NCOA6: variants seen among roughly 807,000 people sequenced by gnomAD.
NCOA6 encodes nuclear receptor coactivator 6.
Under a neutral mutation model 171.4 loss-of-function variants are expected in NCOA6, and 49 were observed. That is an observed-to-expected ratio of 0.29 (90% CI 0.23 to 0.36). NCOA6 has a LOEUF of 0.36. Among genes scored for constraint, NCOA6 ranks in the 10% least tolerant of loss-of-function variants. The probability of loss-of-function intolerance (pLI) is 1.00; values close to 1 mark genes in which losing one functional copy is unlikely to be tolerated. For synonymous variants in NCOA6, 910 were observed against 927.5 expected (o/e 0.98, Z 0.34); for missense variants, 2,248 against 2,554.5 (o/e 0.88, Z 2.59).
Position 34,758,862 on chromosome 20 carries a change from C to T in NCOA6, c.586G>A (p.Ala196Thr), listed in dbSNP as rs1440556726. ...TGCAGCTCTGGATTGGGGCCTGGTGCCATCATGGAAGATGACACATTTCCA... is the reference window on the plus strand; with the variant it reads ...TGCAGCTCTGGATTGGGGCCTGGTGTCATCATGGAAGATGACACATTTCCA... The part of the protein sequence containing the change: ...PGGNVSSSMM[A>T]PGPNPELQPR... The change falls in exon 6 of 15, where the codon GCA becomes ACA. Residue 196 changes from alanine (A) to threonine (T), a missense_variant. Physicochemically the swap from Ala to Thr is moderately conservative, Grantham distance 58. This residue lies in a region of NCOA6 where 987 missense variants were observed against 1,104.7 expected (regional missense o/e 0.89). Transcript: ENST00000359003. 8 of 1,613,364 alleles carry T rather than the reference C, an allele frequency of 5.0e-6. 1 individual carries two copies. Among genetic ancestry groups the T allele is most frequent in the East Asian group, 2.2e-5 (1 of 44,882 alleles).
At chr20:34,721,874 G>C (rs1448956327) in intron 14 of NCOA6, among the ~76,000 whole-genome samples, 1 of 151,650 alleles carries the variant, frequency 6.6e-6, no homozygotes, top group Non-Finnish European at 1.5e-5. Context: ...TGGGCAACAT[G>C]GTGAGTCCTG....
At chr20:34,811,379 T>C (rs116862924) in intron 1 of NCOA6, among the ~76,000 whole-genome samples, 2,126 of 151,964 alleles carry the variant, frequency 0.014, 15 homozygotes, top group Middle Eastern at 0.027. Flanking sequence ...TGCAAACCTC[T>C]GATCTGTTGT....
rs1472723771 is a variant in NCOA6, at chr20:34,758,047, C to T, written c.701G>A (p.Gly234Glu). ...TGGGTGATGTGGGGGAGCTAAAGAT[C>T]CTGAGGGATGACTTTGCTGCTGTAT... The part of the protein sequence containing the change: ...LHIQQQSHPS[G>E]SLAPPHHPMQ... The change falls in exon 7 of 15, where the codon GGA becomes GAA. Residue 234 changes from glycine to glutamate, a missense_variant. Gly to Glu is a moderately conservative substitution (Grantham distance 98). Around this residue, in one of 7 missense-constraint regions of NCOA6, gnomAD observed 987 missense variants for 1,104.7 expected, o/e 0.89. Coordinates refer to ENST00000359003, the MANE Select transcript of NCOA6 (RefSeq NM_014071.5). 10 of 1,613,802 alleles carry T rather than the reference C, an allele frequency of 6.2e-6. No homozygotes were observed. Among genetic ancestry groups the T allele is most frequent in the Non-Finnish European group, 8.5e-6 (10 of 1,179,948 alleles).
chr20:34,753,167 T>G (rs1294204356), intron 8 of NCOA6, among the ~76,000 whole-genome samples: 2 of 150,494 alleles, frequency 1.3e-5, no homozygotes, highest in Non-Finnish European at 1.5e-5. Context: ...CGCCTCAGCC[T>G]CTTAAGTAGC....
chr20:34,807,046 T>G (rs958083079), intron 1 of NCOA6, among the ~76,000 whole-genome samples: 5 of 152,196 alleles, frequency 3.3e-5, no homozygotes, highest in African/African-American at 1.2e-4. Flanking sequence ...GTGATTTGCT[T>G]CTAACTAACG....
chr20:34,760,905 A>C (rs963057375), intron 5 of NCOA6, among the ~76,000 whole-genome samples: 1 of 151,878 alleles, frequency 6.6e-6, no homozygotes, highest in Non-Finnish European at 1.5e-5. Context: ...CACATTCATC[A>C]GTTTTAGCTG....
intron 1 of NCOA6, among the ~76,000 whole-genome samples, chr20:34,814,459 A>G (rs2078766851): frequency 6.6e-6 from 1 of 152,208 alleles, no homozygotes; most frequent in Non-Finnish European, 1.5e-5. Flanking sequence ...AAATATACAG[A>G]TGTGTAGAAA....
chr20:34,749,524 A>G lies in NCOA6; in HGVS notation c.2671T>C (p.Leu891=), dbSNP rs2076405297. ...TLTSPLLVNL[L]QSDISAGHFG... ...TGGCCTGCAGATATGTCACTCTGCA[A>G]TAAGTTGACCAACAATGGGCTCGTT... The change falls in exon 9 of 15, where the codon TTG becomes CTG. Residue 891 remains leucine (L), a synonymous_variant. Coordinates refer to ENST00000359003, the MANE Select transcript of NCOA6 (RefSeq NM_014071.5). 1 of 1,614,178 alleles carries G rather than the reference A, an allele frequency of 6.2e-7. No homozygotes were observed. The highest frequency in any genetic ancestry group is 1.3e-5 in the African/African-American group (1 of 75,024).
chr20:34,757,302 C>T lies in NCOA6; in HGVS notation c.1446G>A (p.Gln482=). The change falls in exon 7 of 15, where the codon CAG becomes CAA. Residue 482 remains glutamine (Q), a synonymous_variant. Transcript: ENST00000359003. ...CCATGAAGTTAGGTGGCACATTTCC[C>T]TGTTGAACCATAGGATTCCGACCCG... is the stretch of plus-strand genomic sequence containing the variant. ...SSPGRNPMVQ[Q]GNVPPNFMVM... The T allele has an allele frequency of 3.1e-6, 5 of 1,614,028 alleles. No individual in the cohort carries two copies. Among genetic ancestry groups the T allele is most frequent in the African/African-American group, 2.7e-5 (2 of 75,054 alleles).
intron 12 of NCOA6, among the ~76,000 whole-genome samples, chr20:34,733,274 T>C (rs1209114789): frequency 1.3e-5 from 2 of 152,194 alleles, no homozygotes; most frequent in African/African-American, 4.8e-5. Context: ...GTTCCATCTT[T>C]TCCAAAAGCC....
At chr20:34,722,397 TAAATA>T (rs1448492805) in intron 14 of NCOA6, among the ~76,000 whole-genome samples, 4 of 149,976 alleles carry the variant, frequency 2.7e-5, no homozygotes, top group South Asian at 2.1e-4. Flanking sequence ...AATAAATAAA[TAAATA>T]AAATAAAAGT....
chr20:34,773,061 G>A (rs1251747247), intron 4 of NCOA6, among the ~76,000 whole-genome samples: 1 of 152,158 alleles, frequency 6.6e-6, no homozygotes, highest in Admixed American at 6.5e-5. Context: ...ACTACGTCCT[G>A]TGGGCCAAAT....
chr20:34,717,282 C>T (rs1466325599), intron 14 of NCOA6, among the ~76,000 whole-genome samples: 1 of 152,096 alleles, frequency 6.6e-6, no homozygotes, highest in Non-Finnish European at 1.5e-5. Flanking sequence ...GAAACCCCAT[C>T]TCTACTAAAT....
chr20:34,793,106 A>C (rs1246832307), intron 1 of NCOA6, among the ~76,000 whole-genome samples: 2 of 152,146 alleles, frequency 1.3e-5, no homozygotes, highest in East Asian at 3.9e-4. Flanking sequence ...TAGGCCACTC[A>C]TCAGCAAGCA....
intron 4 of NCOA6, among the ~76,000 whole-genome samples, chr20:34,769,402 C>A (rs1231703784): frequency 6.6e-6 from 1 of 151,082 alleles, no homozygotes; most frequent in Non-Finnish European, 1.5e-5. Context: ...CTTGCTCTGT[C>A]ACTCAGGCTA....
At chr20:34,751,096 C>A (rs1398381874) in intron 8 of NCOA6, among the ~76,000 whole-genome samples, 1 of 150,254 alleles carries the variant, frequency 6.7e-6, no homozygotes, top group East Asian at 2.0e-4. Flanking sequence ...GTCGGCCGGG[C>A]GCGGTGGCTC....
At position 34,757,896 on chromosome 20, in the gene NCOA6, T is replaced by C; in HGVS notation, c.852A>G (p.Gln284=). The change falls in exon 7 of 15, where the codon CAA becomes CAG. Residue 284 remains glutamine, a synonymous_variant. Coordinates refer to ENST00000359003, the MANE Select transcript of NCOA6 (RefSeq NM_014071.5). The part of the protein sequence containing the change: ...QQQQQQQQQQ[Q]QLQARPPQQH... ...GCTGTGGGGGTCTTGCCTGCAACTG[T>C]TGTTGCTGCTGTTGCTGTTGTTGCT... is the stretch of plus-strand genomic sequence containing the variant. 3 of 1,613,986 alleles carry C rather than the reference T, an allele frequency of 1.9e-6. No individual in the cohort carries two copies. Among genetic ancestry groups the C allele is most frequent in the Non-Finnish European group, 2.5e-6 (3 of 1,179,998 alleles).
intron 4 of NCOA6, among the ~76,000 whole-genome samples, chr20:34,774,179 T>C (rs1169796376): frequency 6.6e-6 from 1 of 152,222 alleles, no homozygotes; most frequent in African/African-American, 2.4e-5. Context: ...AATTAAGGTT[T>C]TGAAGCCTTT....
intron 1 of NCOA6, among the ~76,000 whole-genome samples, chr20:34,816,255 G>GC (rs981544010): frequency 6.6e-6 from 1 of 151,894 alleles, no homozygotes; most frequent in Non-Finnish European, 1.5e-5. Context: ...GTTGACTTGT[G>GC]CCCCCCAATC....
Sources: gnomAD v4.1 joint callset for allele counts (sites outside exome capture counted in the v4.1 genomes callset) on GRCh38, gnomAD v4.1.1 for gene constraint, gnomAD v4.1.1 regional missense constraint, MANE v1.5 for transcripts, NCBI Gene and HGNC (gene_info 2026-07-23, HGNC 2026-07-21) for gene names.